The following CTNNA3 variants were observed in gnomAD, a reference collection of about 807,000 sequenced individuals.
CTNNA3 encodes the protein catenin alpha 3, also known as catenin alpha-3.
In CTNNA3, 76 loss-of-function variants were observed where a neutral mutation model predicts 95.7. That is an observed-to-expected ratio of 0.79 (90% CI 0.66 to 0.96). The LOEUF (loss-of-function observed/expected upper bound fraction) is 0.96. Ranked by LOEUF, CTNNA3 falls within the 40% of genes least tolerant of loss-of-function variation. The pLI is 0.00. For synonymous variants in CTNNA3, 431 were observed against 374.4 expected (o/e 1.15, Z -1.74); for missense variants, 1,191 against 1,089.8 (o/e 1.09, Z -1.31).
chr10:66,101,666 T>A (rs1228000682), intron 14 of CTNNA3, among the ~76,000 whole-genome samples: 4 of 152,188 alleles, frequency 2.6e-5, no homozygotes, highest in African/African-American at 9.6e-5. Flanking sequence ...TAAGCTCTAA[T>A]GAGATAGCTT....
chr10:66,779,797 G>A (rs1306080695), intron 7 of CTNNA3, among the ~76,000 whole-genome samples: 1 of 152,070 alleles, frequency 6.6e-6, no homozygotes, highest in Middle Eastern at 3.2e-3. Context: ...ATAACACTTG[G>A]TTTAATAAAT....
At chr10:66,318,247 T>A in intron 12 of CTNNA3, among the ~76,000 whole-genome samples, 1 of 146,452 alleles carries the variant, frequency 6.8e-6, no homozygotes, top group Non-Finnish European at 1.5e-5. Context: ...CATTTGCAGG[T>A]GGAGTTGCTG....
intron 11 of CTNNA3, among the ~76,000 whole-genome samples, chr10:66,507,207 T>C (rs1840478577): frequency 6.6e-6 from 1 of 152,138 alleles, no homozygotes; most frequent in South Asian, 2.1e-4. Context: ...ATTTTTCTCT[T>C]TTTTTCTTTC....
At chr10:66,254,836 C>T (rs922007996) in intron 13 of CTNNA3, among the ~76,000 whole-genome samples, 1 of 152,182 alleles carries the variant, frequency 6.6e-6, no homozygotes, top group Non-Finnish European at 1.5e-5. Context: ...TCTGTCTCTG[C>T]CCTTGGGGCC....
At chr10:66,775,034 T>C (rs550661691) in intron 8 of CTNNA3, among the ~76,000 whole-genome samples, 6 of 152,208 alleles carry the variant, frequency 3.9e-5, no homozygotes, top group Non-Finnish European at 8.8e-5. Flanking sequence ...TGAACTCTGA[T>C]GTAATACAAT....
At chr10:66,136,716 A>ACAACACAGCG in intron 13 of CTNNA3, among the ~76,000 whole-genome samples, 1 of 152,216 alleles carries the variant, frequency 6.6e-6, no homozygotes, top group Non-Finnish European at 1.5e-5. Context: ...AGAAGAGAGC[A>ACAACACAGCG]TTGTGTTGTA....
At chr10:67,660,560 G>A (rs1840149678) in intron 1 of CTNNA3, among the ~76,000 whole-genome samples, 1 of 152,156 alleles carries the variant, frequency 6.6e-6, no homozygotes, top group Admixed American at 6.5e-5. Context: ...ATTTGAGGTT[G>A]AATGCAATTT....
At chr10:66,295,501 T>C (rs538100447) in intron 12 of CTNNA3, among the ~76,000 whole-genome samples, 2 of 152,232 alleles carry the variant, frequency 1.3e-5, no homozygotes, top group East Asian at 3.9e-4. Context: ...TAGGACATGG[T>C]AGGTGATTGC....
chr10:66,114,337 T>C (rs2133790284), intron 13 of CTNNA3, among the ~76,000 whole-genome samples: 1 of 152,134 alleles, frequency 6.6e-6, no homozygotes, highest in Non-Finnish European at 1.5e-5. Flanking sequence ...ACTTGAAATA[T>C]TGTTAACTGA....
chr10:67,270,737 C>G (rs953775344), intron 5 of CTNNA3, among the ~76,000 whole-genome samples: 1 of 152,094 alleles, frequency 6.6e-6, no homozygotes, highest in Non-Finnish European at 1.5e-5. Flanking sequence ...AAAGTCAATA[C>G]AAGAGAGTGG....
rs371149404 is a variant in CTNNA3, at chr10:66,379,457, A to G, written c.1532-105T>C. On this transcript the variant is annotated intron_variant, in intron 11 of 17. Transcript: ENST00000433211. ...TAACTTCTGACTTCAGATAGAGTGCACATTGGAAATGGAAGACTTTGAGAA... is the reference window on the plus strand; with the variant it reads ...TAACTTCTGACTTCAGATAGAGTGCGCATTGGAAATGGAAGACTTTGAGAA... The G allele has an allele frequency of 1.9e-3, 1,774 of 945,958 alleles. 3 individuals are homozygous for G. Among genetic ancestry groups the G allele is most frequent in the South Asian group, 4.5e-3 (273 of 61,070 alleles). 58.6% of individuals were successfully genotyped at this position (945,958 alleles called of 1,614,324 possible).
intron 3 of CTNNA3, among the ~76,000 whole-genome samples, chr10:67,562,410 C>G (rs1279298415): frequency 1.3e-5 from 2 of 152,144 alleles, no homozygotes; most frequent in East Asian, 3.8e-4. Flanking sequence ...TTAATAGATG[C>G]AGAAAAGGCC....
At chr10:66,482,037 T>C (rs1052061792) in intron 11 of CTNNA3, among the ~76,000 whole-genome samples, 1 of 152,252 alleles carries the variant, frequency 6.6e-6, no homozygotes, top group African/African-American at 2.4e-5. Context: ...AATTTATGTG[T>C]ATGTTTTTGT....
At chr10:65,997,023 G>GA (rs1554826971) in intron 15 of CTNNA3, among the ~76,000 whole-genome samples, 2 of 151,592 alleles carry the variant, frequency 1.3e-5, no homozygotes, top group Non-Finnish European at 2.9e-5. Flanking sequence ...CATTAATTGT[G>GA]TTTTTTTTAA....
At chr10:67,211,094 T>G (rs112274967) in intron 6 of CTNNA3, among the ~76,000 whole-genome samples, 4,069 of 152,278 alleles carry the variant, frequency 0.027, 151 homozygotes, top group South Asian at 0.18. Flanking sequence ...GGCTTTTTAT[T>G]TTTACTTATT....
At chr10:67,011,835 G>A (rs78423681) in intron 7 of CTNNA3, among the ~76,000 whole-genome samples, 2,134 of 152,172 alleles carry the variant, frequency 0.014, 47 homozygotes, top group African/African-American at 0.043. Context: ...ATTTGCCCAA[G>A]GACCTACAGG....
chr10:65,971,433 A>T (rs1209702779), intron 16 of CTNNA3, among the ~76,000 whole-genome samples: 1 of 150,964 alleles, frequency 6.6e-6, no homozygotes, highest in Non-Finnish European at 1.5e-5. Context: ...AGCTAGATTA[A>T]CAAAGAAAAA....
chr10:66,918,325 G>T (rs987904448), intron 7 of CTNNA3, among the ~76,000 whole-genome samples: 1 of 152,146 alleles, frequency 6.6e-6, no homozygotes, highest in Non-Finnish European at 1.5e-5. Flanking sequence ...GCCATTTAGC[G>T]CATTCCTGAA....
intron 7 of CTNNA3, among the ~76,000 whole-genome samples, chr10:67,128,651 A>T (rs986108381): frequency 6.6e-6 from 1 of 152,148 alleles, no homozygotes; most frequent in African/African-American, 2.4e-5. Context: ...CTTCCTCAGT[A>T]TTACTTTGGC....
Sources: gnomAD v4.1 joint callset for allele counts (sites outside exome capture counted in the v4.1 genomes callset) on GRCh38, gnomAD v4.1.1 for gene constraint, MANE v1.5 for transcripts, NCBI Gene and HGNC (gene_info 2026-07-23, HGNC 2026-07-21) for gene names.